Variants in CCDC66 observed in about 807,000 individuals in gnomAD.
The protein encoded by CCDC66 is coiled-coil domain containing 66.
Under a neutral mutation model 128.3 loss-of-function variants are expected in CCDC66, and 133 were observed. The ratio of observed to expected loss-of-function variants is 1.04; its 90% confidence interval spans 0.90 to 1.20. The LOEUF (loss-of-function observed/expected upper bound fraction) is 1.20. Ranked by LOEUF, CCDC66 falls within the 50% of genes most tolerant of loss-of-function variation. The pLI, the probability that CCDC66 is intolerant of heterozygous loss-of-function variation, is 0.00. For missense variants in CCDC66, 1,126 were observed against 1,075.5 expected (o/e 1.05, Z -0.66); for synonymous variants, 387 against 357.0 (o/e 1.08, Z -0.95).
chr3:56,584,780 A>G (rs1466080482), intron 7 of CCDC66, among the ~76,000 whole-genome samples: 1 of 151,890 alleles, frequency 6.6e-6, no homozygotes, highest in Non-Finnish European at 1.5e-5. Flanking sequence ...AGATCACTCC[A>G]CTGCACTCCA....
intron 7 of CCDC66, among the ~76,000 whole-genome samples, chr3:56,577,803 G>A (rs916832734): frequency 7.2e-5 from 11 of 151,854 alleles, no homozygotes; most frequent in African/African-American, 2.7e-4. Flanking sequence ...CCAGTACCAT[G>A]CTGCTTTGGT....
chr3:56,605,512 C>T (rs1577886819), intron 10 of CCDC66, among the ~76,000 whole-genome samples: 2 of 152,178 alleles, frequency 1.3e-5, no homozygotes, highest in East Asian at 1.9e-4. Flanking sequence ...AGTTTTCCTT[C>T]TAATAGTCAG....
At chr3:56,588,093 A>G (rs2070143083) in intron 7 of CCDC66, among the ~76,000 whole-genome samples, 1 of 152,252 alleles carries the variant, frequency 6.6e-6, no homozygotes, top group Admixed American at 6.5e-5. Flanking sequence ...AGATATAGAT[A>G]TGGATATATG....
At chr3:56,599,484 G>A (rs1247907861) in intron 10 of CCDC66, among the ~76,000 whole-genome samples, 1 of 151,950 alleles carries the variant, frequency 6.6e-6, no homozygotes, top group Non-Finnish European at 1.5e-5. Flanking sequence ...TACATCATTA[G>A]ATTGCTTTTT....
chr3:56,586,475 G>GA (rs2069753533), intron 7 of CCDC66, among the ~76,000 whole-genome samples: 1 of 151,142 alleles, frequency 6.6e-6, no homozygotes, highest in Non-Finnish European at 1.5e-5. Context: ...AGGTTACAGT[G>GA]AGCTGAGATC....
intron 7 of CCDC66, among the ~76,000 whole-genome samples, chr3:56,583,995 G>T (rs1256720976): frequency 7.5e-6 from 1 of 133,336 alleles, no homozygotes; most frequent in Non-Finnish European, 1.6e-5. Flanking sequence ...CCTCCCGGAC[G>T]GGGCGGCTGG....
At chr3:56,585,716 TAAA>T (rs2069573934) in intron 7 of CCDC66, among the ~76,000 whole-genome samples, 1 of 151,882 alleles carries the variant, frequency 6.6e-6, no homozygotes, top group East Asian at 2.0e-4. Flanking sequence ...AAGGGTTTAA[TAAA>T]TAGAGCTAAA....
chr3:56,610,757 G>C (rs1322630927), intron 10 of CCDC66, among the ~76,000 whole-genome samples: 1 of 152,172 alleles, frequency 6.6e-6, no homozygotes, highest in East Asian at 1.9e-4. Flanking sequence ...TTGTCCCACA[G>C]GGTGTTCCCT....
In CCDC66 at chr3:56,563,749, A is replaced by G; in HGVS notation, c.168A>G (p.Ser56=). The G allele has an allele frequency of 6.4e-7, 1 of 1,551,800 alleles. No individual in the cohort carries two copies. Among genetic ancestry groups the G allele is most frequent in the Non-Finnish European group, 8.7e-7 (1 of 1,146,980 alleles). The stretch of plus-strand genomic sequence containing the variant: ...CAAAAACTGGGCACATTCTAAAATC[A>G]ACACAAGATACTTGTATTGGGAGTG... ...LRTKTGHILK[S]TQDTCIGSEK... is the part of the protein sequence containing the mutation. The change falls in exon 4 of 18, where the codon TCA becomes TCG. Residue 56 remains serine (S), a synonymous_variant. Coordinates refer to ENST00000394672, the MANE Select transcript of CCDC66 (RefSeq NM_001141947.3).
In CCDC66 at chr3:56,613,766, CTAATTG is replaced by C. The variant is rs757907698; in HGVS notation, c.1566+20_1566+25del. Reference sequence around the variant, plus strand: ...ACAAAAGGAAGTAGGTACTTACATTCTAATTGTAACTTTGGTTTTTGTTTGTGTTTT... The same window carrying C: ...ACAAAAGGAAGTAGGTACTTACATTCTAACTTTGGTTTTTGTTTGTGTTTT... On this transcript the variant is annotated intron_variant, in intron 11 of 17. Transcript: ENST00000394672. 1 of 1,591,440 alleles carries C rather than the reference CTAATTG, an allele frequency of 6.3e-7. No homozygotes were observed. The highest frequency in any genetic ancestry group is 8.6e-7 in the Non-Finnish European group (1 of 1,167,782).
Position 56,558,959 on chromosome 3 carries a change from T to C in CCDC66, c.76+49T>C, listed in dbSNP as rs773484994. 13 of 1,275,724 alleles carry C rather than the reference T, an allele frequency of 1.0e-5. No individual in the cohort carries two copies. The Middle Eastern group carries it at 6.8e-4, about 66-fold the overall frequency. The allele number at this position is 1,275,724 out of a possible 1,614,324, so 79.0% of individuals were successfully genotyped here. A position where few individuals can be genotyped will look rare whatever the true frequency, so the allele number is the denominator to read the frequency against. On this transcript the variant is annotated intron_variant, in intron 2 of 17. Coordinates refer to ENST00000394672, the MANE Select transcript of CCDC66 (RefSeq NM_001141947.3). ...AAATGTTAACTTTTAAATTCATACA[T>C]AAAATTTATATTAGTTCAACAGACT...
rs1217915976 is a variant in CCDC66 at position 56,593,579 on chromosome 3, A to C, written c.1157A>C (p.His386Pro). Residue 386 changes from histidine to proline, a missense_variant, in exon 9 of 18, where the codon CAC (histidine) becomes CCC (proline). His to Pro is a moderately conservative substitution (Grantham distance 77). Transcript: ENST00000394672. ...TCTCAGCTGTTCTCTCAGTCAACAC[A>C]CAAACAACCTGAGTACTTCTGTGTC... is the stretch of plus-strand genomic sequence containing the variant. ...SQSQLFSQSTHKQPEYFCVSP... is the reference protein window; with the variant it reads ...SQSQLFSQSTPKQPEYFCVSP... 6.2e-6 allele frequency: 10 copies of C among 1,614,216 alleles called. No individual in the cohort carries two copies. The highest frequency in any genetic ancestry group is 8.5e-6 in the Non-Finnish European group (10 of 1,180,032).
chr3:56,583,725 A>G (rs746755010), intron 7 of CCDC66, among the ~76,000 whole-genome samples: 3 of 151,812 alleles, frequency 2.0e-5, no homozygotes, highest in African/African-American at 2.4e-5. Context: ...CAACAATCTG[A>G]TATCTCTATC....
Position 56,582,182 on chromosome 3 carries a change from C to T in CCDC66, c.937-10788C>T, listed in dbSNP as rs540862441. ...CTCAGACTGCTGTGCTAGCAGTGAGCGAGGCTCCGTGGGCGTGGGACCCTC... is the reference window on the plus strand; with the variant it reads ...CTCAGACTGCTGTGCTAGCAGTGAGTGAGGCTCCGTGGGCGTGGGACCCTC... On this transcript the variant is annotated intron_variant, in intron 7 of 17. Transcript: ENST00000394672. Among the ~76,000 whole-genome samples, 175 of 152,028 alleles carry T rather than the reference C, an allele frequency of 1.2e-3. 2 individuals carry two copies. The highest frequency in any genetic ancestry group is 3.9e-3 in the African/African-American group (162 of 41,570).
intron 7 of CCDC66, among the ~76,000 whole-genome samples, chr3:56,584,756 G>A (rs1285903417): frequency 2.6e-5 from 4 of 151,928 alleles, no homozygotes; most frequent in Non-Finnish European, 5.9e-5. Context: ...GGAAGTGGAG[G>A]TTGTAGCTAG....
At chr3:56,602,138 G>A (rs1055360730) in intron 10 of CCDC66, among the ~76,000 whole-genome samples, 5 of 151,956 alleles carry the variant, frequency 3.3e-5, no homozygotes, top group African/African-American at 9.7e-5. Flanking sequence ...TTTTAGATAC[G>A]TTCCATCAAT....
At chr3:56,591,894 A>G (rs1221384136) in intron 7 of CCDC66, among the ~76,000 whole-genome samples, 1 of 152,186 alleles carries the variant, frequency 6.6e-6, no homozygotes, top group Non-Finnish European at 1.5e-5. Flanking sequence ...GATTCTGTCA[A>G]ACAGTTTTTC....
intron 6 of CCDC66, chr3:56,569,291 AAG>A (rs1258080403): frequency 6.5e-6 from 2 of 306,418 alleles, no homozygotes; most frequent in African/African-American, 4.3e-5. Flanking sequence ...TAATTGATAA[AAG>A]AGGTTTATTT....
chr3:56,612,503 A>G (rs1244594644), intron 10 of CCDC66, among the ~76,000 whole-genome samples: 5 of 152,120 alleles, frequency 3.3e-5, no homozygotes, highest in African/African-American at 4.8e-5. Flanking sequence ...TTGGGCTTCT[A>G]GATGGCTTGC....
Sources: allele counts gnomAD v4.1 joint callset (sites outside exome capture counted in the v4.1 genomes callset), GRCh38; gene constraint gnomAD v4.1.1; transcripts MANE v1.5; gene names NCBI Gene and HGNC (gene_info 2026-07-23, HGNC 2026-07-21).